VTI1A: variants seen among roughly 807,000 people sequenced by gnomAD.
VTI1A encodes the protein vesicle transport through interaction with t-SNAREs 1A.
Under a neutral mutation model 34.9 loss-of-function variants are expected in VTI1A, and 22 were observed. The observed-to-expected ratio is 0.63, with a 90% CI of 0.45 to 0.90. The LOEUF (loss-of-function observed/expected upper bound fraction) is 0.90. VTI1A is among the 40% of genes least tolerant of loss of function. VTI1A has a pLI of 0.00. For missense variants in VTI1A, 268 were observed against 275.6 expected, an observed-to-expected ratio of 0.97 and a Z score of 0.20; for synonymous variants, 87 against 97.3, an observed-to-expected ratio of 0.89 and a Z score of 0.62.
At chr10:112,519,876 G>T (rs1292043379) in intron 3 of VTI1A, among the ~76,000 whole-genome samples, 1 of 151,986 alleles carries the variant, frequency 6.6e-6, no homozygotes, top group Non-Finnish European at 1.5e-5. Flanking sequence ...TGTGACTATG[G>T]ACAGATTTTC....
chr10:112,798,504 AG>A (rs1231522666), intron 7 of VTI1A, among the ~76,000 whole-genome samples: 3 of 152,260 alleles, frequency 2.0e-5, no homozygotes, highest in African/African-American at 7.2e-5. Flanking sequence ...TCTCTTTGCA[AG>A]ACACAGGCTG....
intron 7 of VTI1A, among the ~76,000 whole-genome samples, chr10:112,724,429 A>G (rs1849931348): frequency 6.6e-6 from 1 of 152,134 alleles, no homozygotes; most frequent in East Asian, 1.9e-4. Context: ...ATGAGGTTAA[A>G]GAGGACACCA....
chr10:112,834,591 A>T, the VTI1A span, among the ~76,000 whole-genome samples: 1 of 152,212 alleles, frequency 6.6e-6, no homozygotes, highest in African/African-American at 2.4e-5. Context: ...AATAAATTTC[A>T]GCTCTTGTTA....
chr10:112,545,737 G>C (rs1274519890), intron 5 of VTI1A, among the ~76,000 whole-genome samples: 1 of 152,190 alleles, frequency 6.6e-6, no homozygotes, highest in Non-Finnish European at 1.5e-5. Flanking sequence ...GCACATTAAA[G>C]TTGAGTTAAA....
intron 5 of VTI1A, among the ~76,000 whole-genome samples, chr10:112,612,984 T>C (rs2134524546): frequency 1.3e-5 from 2 of 152,242 alleles, no homozygotes; most frequent in Middle Eastern, 6.8e-3. Flanking sequence ...AAACAGACCA[T>C]TTTCTTCTTT....
intron 4 of VTI1A, among the ~76,000 whole-genome samples, chr10:112,537,098 A>G (rs1850657572): frequency 6.6e-6 from 1 of 151,566 alleles, no homozygotes; most frequent in Admixed American, 6.6e-5. Context: ...CTCCTTTTTT[A>G]TTATTATTAG....
chr10:112,499,887 C>A (rs1849164503), intron 3 of VTI1A, among the ~76,000 whole-genome samples: 1 of 152,204 alleles, frequency 6.6e-6, no homozygotes, highest in Non-Finnish European at 1.5e-5. Flanking sequence ...CATGGTCACT[C>A]TCTTGACATG....
intron 5 of VTI1A, among the ~76,000 whole-genome samples, chr10:112,620,545 CT>C (rs1845693630): frequency 1.3e-5 from 2 of 152,092 alleles, no homozygotes; most frequent in African/African-American, 4.8e-5. Flanking sequence ...AATCCCAAAA[CT>C]TTGGGAGGCC....
rs1409223020 is a variant in VTI1A at position 112,817,209 on chromosome 10, G to C, written c.*1826G>C. ...GAGTATTACACCAGCCCCTCTGGTGGCTTCCTTCAAAACTGTTGATCTTAG... is the reference window on the plus strand; with the variant it reads ...GAGTATTACACCAGCCCCTCTGGTGCCTTCCTTCAAAACTGTTGATCTTAG... On this transcript the variant is annotated 3_prime_UTR_variant, in exon 8 of 8. Coordinates refer to ENST00000393077, the MANE Select transcript of VTI1A (RefSeq NM_145206.4). 4.3e-6 allele frequency: 1 copy of C among 232,274 alleles called. No homozygotes were observed. Among genetic ancestry groups the C allele is most frequent in the African/African-American group, 2.2e-5 (1 of 45,276 alleles). The allele number at this position is 232,274 out of a possible 1,614,324, so 14.4% of individuals were successfully genotyped here. A position where few individuals can be genotyped will look rare whatever the true frequency, so the allele number is the denominator to read the frequency against.
the VTI1A span, among the ~76,000 whole-genome samples, chr10:112,835,488 C>T: frequency 5.9e-5 from 9 of 152,312 alleles, no homozygotes; most frequent in Admixed American, 2.0e-4. Context: ...CCTTGGAGGG[C>T]CCGCATACTG....
chr10:112,821,166 G>C (rs901429940), downstream of VTI1A, among the ~76,000 whole-genome samples: 1 of 152,188 alleles, frequency 6.6e-6, no homozygotes, highest in African/African-American at 2.4e-5. Context: ...CCATGAACTC[G>C]CGCACCCCCT....
the VTI1A span, among the ~76,000 whole-genome samples, chr10:112,835,651 GTTA>G: frequency 6.6e-6 from 1 of 152,050 alleles, no homozygotes; most frequent in African/African-American, 2.4e-5. Flanking sequence ...AGGTTTCTTT[GTTA>G]TTATCTGAGT....
At chr10:112,670,286 T>C (rs1286125629) in intron 7 of VTI1A, among the ~76,000 whole-genome samples, 1 of 152,182 alleles carries the variant, frequency 6.6e-6, no homozygotes, top group Admixed American at 6.6e-5. Context: ...AGAGTCCTCC[T>C]GCTTTATGTC....
chr10:112,816,731 G>GA lies in VTI1A; in HGVS notation c.*1352dup, dbSNP rs1382691292. The GA allele has an allele frequency of 4.4e-6, 1 of 226,416 alleles. No homozygotes were observed. 14.0% of individuals were successfully genotyped at this position (226,416 alleles called of 1,614,324 possible). ...ATATAATTAGAAGCTTTGAATCCTTGAAAAGCAAACCTGTTCTCTTCATCA... is the reference window on the plus strand; with the variant it reads ...ATATAATTAGAAGCTTTGAATCCTTGAAAAAGCAAACCTGTTCTCTTCATCA... On this transcript the variant is annotated 3_prime_UTR_variant, in exon 8 of 8. Transcript: ENST00000393077.
intron 7 of VTI1A, among the ~76,000 whole-genome samples, chr10:112,789,325 A>G (rs757387148): frequency 2.0e-5 from 3 of 152,198 alleles, no homozygotes; most frequent in Non-Finnish European, 4.4e-5. Context: ...TTCTTGGTTG[A>G]TAAGTCCCCC....
Position 112,602,351 on chromosome 10 carries a change from C to T in VTI1A, c.427+64021C>T, listed in dbSNP as rs575117703. On this transcript the variant is annotated intron_variant, in intron 5 of 7. Coordinates refer to ENST00000393077, the MANE Select transcript of VTI1A (RefSeq NM_145206.4). ...GTCCACAAATGGCAGGGGGCATACC[C>T]GGGATATTGCTGAAAATGAGCAATT... Among the ~76,000 whole-genome samples, 6 of 152,160 alleles carry T rather than the reference C, an allele frequency of 3.9e-5. No homozygotes were observed. The South Asian group carries it at 6.2e-4, about 16-fold the overall frequency.
chr10:112,792,487 G>T (rs1265465392), intron 7 of VTI1A, among the ~76,000 whole-genome samples: 1 of 152,032 alleles, frequency 6.6e-6, no homozygotes, highest in Non-Finnish European at 1.5e-5. Flanking sequence ...CCCCAAATGA[G>T]CTCTCCAGCC....
At chr10:112,505,285 A>G (rs1313475125) in intron 3 of VTI1A, among the ~76,000 whole-genome samples, 1 of 152,076 alleles carries the variant, frequency 6.6e-6, no homozygotes, top group Non-Finnish European at 1.5e-5. Flanking sequence ...CTTTTCTTCC[A>G]CTGTATATTC....
chr10:112,605,433 G>A lies in VTI1A; in HGVS notation c.428-62785G>A, dbSNP rs774787988. On this transcript the variant is annotated intron_variant, in intron 5 of 7. Coordinates refer to ENST00000393077, the MANE Select transcript of VTI1A (RefSeq NM_145206.4). ...CAGGGAGGGAGTAAATAAAAGGACA[G>A]GCTCATAGCTTTACTGTTTCTCCAC... Among the ~76,000 whole-genome samples, 212 of 152,284 alleles carry A rather than the reference G, an allele frequency of 1.4e-3. 1 individual carries two copies. The highest frequency in any genetic ancestry group is 6.8e-3 in the Middle Eastern group (2 of 294).
Sources: allele counts gnomAD v4.1 joint callset (sites outside exome capture counted in the v4.1 genomes callset), GRCh38; gene constraint gnomAD v4.1.1; transcripts MANE v1.5; gene names NCBI Gene and HGNC (gene_info 2026-07-23, HGNC 2026-07-21).